PKD1L1: variants seen among roughly 807,000 people sequenced by gnomAD.
The protein encoded by PKD1L1 is polycystin-1-like protein 1.
In PKD1L1, 236 loss-of-function variants were observed where a neutral mutation model predicts 323.4. The observed-to-expected ratio is 0.73, with a 90% confidence interval of 0.66 to 0.81. The LOEUF is 0.81. PKD1L1 is among the 40% of genes least tolerant of loss of function. The probability of loss-of-function intolerance (pLI) is 0.00; values close to 1 mark genes in which losing one functional copy is unlikely to be tolerated. For synonymous variants in PKD1L1, 1,344 were observed against 1,335.0 expected, an observed-to-expected ratio of 1.01 and a Z score of -0.15; for missense variants, 3,320 against 3,508.0, an observed-to-expected ratio of 0.95 and a Z score of 1.35.
At chr7:47,846,041 G>A (rs930663434) in intron 32 of PKD1L1, among the ~76,000 whole-genome samples, 1 of 152,178 alleles carries the variant, frequency 6.6e-6, no homozygotes, top group Non-Finnish European at 1.5e-5. Context: ...CCTAGCAATG[G>A]CATTAGAAAA....
At position 47,825,742 on chromosome 7, in the gene PKD1L1, AACTTAT is replaced by A. The variant is rs1232613100; in HGVS notation, c.6854+1602_6854+1607del. On this transcript the variant is annotated intron_variant, in intron 45 of 56. Coordinates refer to ENST00000289672, the MANE Select transcript of PKD1L1 (RefSeq NM_138295.5). ...GTTTTCCTCACTGAAATCTTAGAGA[AACTTAT>A]ACTTAAGATTATGCCTAAGTGTATT... Among the ~76,000 whole-genome samples the A allele has an allele frequency of 1.1e-4, 17 of 152,232 alleles. No homozygotes were observed. The East Asian group carries it at 1.5e-3, about 14-fold the overall frequency.
Position 47,880,282 on chromosome 7 carries a change from A to ATTTTTTTTTTTTT in PKD1L1, c.3520+445_3520+446insAAAAAAAAAAAAA, listed in dbSNP as rs1309864473. ...TATATATACATATATATATATATATATATTTTTTTTTTTTTTTTTGAGACA... is the reference window on the plus strand; with the variant it reads ...TATATATACATATATATATATATATATTTTTTTTTTTTTTATTTTTTTTTTTTTTTTTGAGACA... On this transcript the variant is annotated intron_variant, in intron 21 of 56. Coordinates refer to ENST00000289672, the MANE Select transcript of PKD1L1 (RefSeq NM_138295.5). Among the ~76,000 whole-genome samples, 135 of 69,634 alleles carry ATTTTTTTTTTTTT rather than the reference A, an allele frequency of 1.9e-3. 2 individuals are homozygous for ATTTTTTTTTTTTT. Among genetic ancestry groups the ATTTTTTTTTTTTT allele is most frequent in the Middle Eastern group, 8.2e-3 (1 of 122 alleles). The allele number at this position is 69,634 out of a possible 152,430, so 45.7% of individuals were successfully genotyped here. A position where few individuals can be genotyped will look rare whatever the true frequency, so the allele number is the denominator to read the frequency against.
rs202174409 is a variant in PKD1L1 at position 47,948,434 on chromosome 7, C to T, written c.7G>A (p.Glu3Lys). 185 of 1,614,090 alleles carry T rather than the reference C, an allele frequency of 1.1e-4. No individual in the cohort carries two copies. Among genetic ancestry groups the T allele is most frequent in the Non-Finnish European group, 1.2e-4 (136 of 1,180,020 alleles). ...TCAGAAATGTTCTGGGCTGCCTCCTCGGCCATGTCCTGTGCAAGCTGGTCA... is the reference window on the plus strand; with the variant it reads ...TCAGAAATGTTCTGGGCTGCCTCCTTGGCCATGTCCTGTGCAAGCTGGTCA... MA[E>K]EAAQNISDDQ... is the part of the protein sequence containing the mutation. Residue 3 changes from glutamate to lysine, a missense_variant, in exon 1 of 57, where the codon GAG becomes AAG. Glu to Lys is a moderately conservative substitution (Grantham distance 56). Coordinates refer to ENST00000289672, the MANE Select transcript of PKD1L1 (RefSeq NM_138295.5).
chr7:47,807,659 A>T (rs1784809278), intron 52 of PKD1L1, among the ~76,000 whole-genome samples: 2 of 152,104 alleles, frequency 1.3e-5, no homozygotes, highest in Admixed American at 1.3e-4. Context: ...GCCCCATCTC[A>T]TCAGCCCCCT....
At chr7:47,784,350 G>C (rs1318010839) in intron 56 of PKD1L1, among the ~76,000 whole-genome samples, 1 of 151,976 alleles carries the variant, frequency 6.6e-6, no homozygotes, top group Non-Finnish European at 1.5e-5. Context: ...TCCATCATGG[G>C]AAAAATTCCA....
At chr7:47,865,455 T>C (rs1786143132) in intron 25 of PKD1L1, among the ~76,000 whole-genome samples, 183 bp from the exon 26 acceptor site, 1 of 152,178 alleles carries the variant, frequency 6.6e-6, no homozygotes, top group Non-Finnish European at 1.5e-5. Context: ...CTGGTTTTCC[T>C]TGGAATCCAG....
At chr7:47,841,985 T>G (rs999244554) in intron 34 of PKD1L1, among the ~76,000 whole-genome samples, 1 of 152,222 alleles carries the variant, frequency 6.6e-6, no homozygotes, top group Non-Finnish European at 1.5e-5. Flanking sequence ...AACCATCTCT[T>G]TCTCCCTTTT....
rs762227604 is a variant in PKD1L1 at position 47,839,951 on chromosome 7, A to C, written c.5553-289T>G. Reference sequence around the variant, plus strand: ...CATGTATTTGTCTCTGGTGTGGATTAGTCTAAAGTTAACCTTTTCTCTCTT... The same window carrying C: ...CATGTATTTGTCTCTGGTGTGGATTCGTCTAAAGTTAACCTTTTCTCTCTT... On this transcript the variant is annotated intron_variant, in intron 35 of 56. Transcript: ENST00000289672. The surrounding 1 kb of genome is among the most constrained non-coding windows in gnomAD (Gnocchi z 4.3). Among the ~76,000 whole-genome samples, 16 of 152,246 alleles carry C rather than the reference A, an allele frequency of 1.1e-4. No individual in the cohort carries two copies. Among genetic ancestry groups the C allele is most frequent in the Non-Finnish European group, 2.2e-4 (15 of 68,036 alleles).
intron 31 of PKD1L1, 71 bp downstream of exon 31, chr7:47,853,056 C>T (rs1285157734): frequency 3.0e-6 from 3 of 1,004,678 alleles, no homozygotes; most frequent in East Asian, 2.4e-5. Context: ...CACCACTATA[C>T]ATACAAAGGT....
intron 24 of PKD1L1, among the ~76,000 whole-genome samples, chr7:47,867,835 A>C (rs1234058418): frequency 6.6e-6 from 1 of 152,206 alleles, no homozygotes; most frequent in Admixed American, 6.5e-5. Flanking sequence ...ATAACAAAAG[A>C]AATGTTCAAA....
chr7:47,885,590 A>C (rs1583648111), intron 18 of PKD1L1, 96 bp downstream of exon 18: 1 of 1,467,546 alleles, frequency 6.8e-7, no homozygotes, highest in East Asian at 2.3e-5. Context: ...GCCCATGTTG[A>C]TGTGATCTCA....
Position 47,842,942 on chromosome 7 carries a change from C to A in PKD1L1, c.5445+20G>T, listed in dbSNP as rs766051922. 1.2e-6 allele frequency: 2 copies of A among 1,603,032 alleles called. No homozygotes were observed. The highest frequency in any genetic ancestry group is 1.7e-5 in the Admixed American group (1 of 58,734). On this transcript the variant is annotated intron_variant, in intron 34 of 56. Transcript: ENST00000289672. Reference sequence around the variant, plus strand: ...ACTGCTTAGACACCATCAAAGAGTACCCCCAGATGCTCGAGCTACCTTTGA... The same window carrying A: ...ACTGCTTAGACACCATCAAAGAGTAACCCCAGATGCTCGAGCTACCTTTGA...
Position 47,884,582 on chromosome 7 carries a change from A to T in PKD1L1, c.3265+16T>A. ...AGCTGAGTGGAGAGAGGCAGCAGGC[A>T]TAGAAGCACAGTCACCTGGCTGTCT... On this transcript the variant is annotated intron_variant, in intron 19 of 56. Coordinates refer to ENST00000289672, the MANE Select transcript of PKD1L1 (RefSeq NM_138295.5). 1 of 1,612,118 alleles carries T rather than the reference A, an allele frequency of 6.2e-7. No individual in the cohort carries two copies. Among genetic ancestry groups the T allele is most frequent in the Non-Finnish European group, 8.5e-7 (1 of 1,178,158 alleles).
chr7:47,812,984 C>G, intron 49 of PKD1L1, 137 bp downstream of exon 49: 8 of 996,486 alleles, frequency 8.0e-6, no homozygotes, highest in Non-Finnish European at 1.2e-5. Context: ...CTGGCTGGAG[C>G]CCCTGGCAGT....
chr7:47,941,522 A>C, intron 2 of PKD1L1, among the ~76,000 whole-genome samples: 1 of 152,224 alleles, frequency 6.6e-6, no homozygotes, highest in East Asian at 1.9e-4. Flanking sequence ...ATTTACTGTC[A>C]AGAGTCCAGT....
At chr7:47,877,048 G>A (rs957745019) in intron 22 of PKD1L1, among the ~76,000 whole-genome samples, 3 of 152,068 alleles carry the variant, frequency 2.0e-5, no homozygotes, top group Non-Finnish European at 4.4e-5. Flanking sequence ...ACAAGACCCT[G>A]AGCAACAAAA....
intron 7 of PKD1L1, among the ~76,000 whole-genome samples, chr7:47,920,093 T>C (rs1787504109): frequency 6.6e-6 from 1 of 152,174 alleles, no homozygotes; most frequent in Non-Finnish European, 1.5e-5. Context: ...TCTGATGATA[T>C]GATCGTATAT....
intron 8 of PKD1L1, among the ~76,000 whole-genome samples, chr7:47,909,178 A>G (rs1229142126): frequency 6.6e-6 from 1 of 151,980 alleles, no homozygotes; most frequent in Non-Finnish European, 1.5e-5. Flanking sequence ...CTCTAACCTC[A>G]ACTCCCTACA....
Position 47,839,615 on chromosome 7 carries a change from T to A in PKD1L1, c.5600A>T (p.Asp1867Val), listed in dbSNP as rs1246817538. Residue 1867 changes from aspartate (D) to valine (V), a missense_variant, in exon 36 of 57, where the codon GAC becomes GTC. Coordinates refer to ENST00000289672, the MANE Select transcript of PKD1L1 (RefSeq NM_138295.5). The surrounding 1 kb of genome is among the most constrained non-coding windows in gnomAD (Gnocchi z 4.3). ...CCAGCCTGGGGAAGGCCCACGGCTG[T>A]CGTGCCAGAGGCGGATCTTCCTCAG... ...GLLRKIRLWHDSRGPSPGWFI... is the reference protein window; with the variant it reads ...GLLRKIRLWHVSRGPSPGWFI... The A allele has an allele frequency of 1.3e-6, 2 of 1,590,370 alleles. No individual in the cohort carries two copies. Among genetic ancestry groups the A allele is most frequent in the South Asian group, 1.1e-5 (1 of 87,086 alleles).
Sources: allele counts gnomAD v4.1 joint callset (sites outside exome capture counted in the v4.1 genomes callset), GRCh38; gene constraint gnomAD v4.1.1; non-coding constraint Gnocchi (gnomAD v3.1); transcripts MANE v1.5; gene names NCBI Gene and HGNC (gene_info 2026-07-23, HGNC 2026-07-21).